Variants in ATP13A5 observed in about 807,000 individuals in gnomAD.
ATP13A5 encodes ATPase 13A5.
ATP13A5 carries 149 observed loss-of-function variants against 150.2 expected under a neutral mutation model. That is an observed-to-expected ratio of 0.99 (90% CI 0.87 to 1.14). ATP13A5 has a LOEUF of 1.14. Ranked by LOEUF, ATP13A5 falls within the 50% of genes most tolerant of loss-of-function variation. The pLI, the probability that ATP13A5 is intolerant of heterozygous loss-of-function variation, is 0.00. For synonymous variants in ATP13A5, 497 were observed against 522.2 expected, an observed-to-expected ratio of 0.95 and a Z score of 0.66; for missense variants, 1,383 against 1,449.3, an observed-to-expected ratio of 0.95 and a Z score of 0.74.
intron 7 of ATP13A5, among the ~76,000 whole-genome samples, chr3:193,350,050 A>C (rs1296953764): frequency 6.6e-6 from 1 of 152,052 alleles, no homozygotes; most frequent in Non-Finnish European, 1.5e-5. Context: ...ATATCATGGA[A>C]TATTATAGTA....
intron 22 of ATP13A5, among the ~76,000 whole-genome samples, chr3:193,306,092 T>G (rs1348407509): frequency 1.3e-5 from 2 of 151,936 alleles, no homozygotes; most frequent in Non-Finnish European, 2.9e-5. Context: ...AAAGAATTCC[T>G]AGGCCGATCC....
At chr3:193,291,923 A>G (rs577086734) in intron 25 of ATP13A5, among the ~76,000 whole-genome samples, 7 of 152,270 alleles carry the variant, frequency 4.6e-5, no homozygotes, top group African/African-American at 1.7e-4. Flanking sequence ...AATCATAAGT[A>G]TAACACTTTC....
At chr3:193,373,935 A>G (rs1438190998) in intron 1 of ATP13A5, among the ~76,000 whole-genome samples, 1 of 152,210 alleles carries the variant, frequency 6.6e-6, no homozygotes, top group African/African-American at 2.4e-5. Context: ...GTGATGTGTA[A>G]TTTTGACATT....
intron 7 of ATP13A5, among the ~76,000 whole-genome samples, chr3:193,349,314 A>G (rs928251411): frequency 1.2e-4 from 19 of 152,162 alleles, no homozygotes; most frequent in Non-Finnish European, 2.6e-4. Flanking sequence ...AAGTTCCCAT[A>G]TTAGCCACTG....
At chr3:193,372,445 C>G (rs1281608854) in intron 1 of ATP13A5, among the ~76,000 whole-genome samples, 1 of 152,070 alleles carries the variant, frequency 6.6e-6, no homozygotes, top group African/African-American at 2.4e-5. Flanking sequence ...TTTCTAATTT[C>G]TTTTAAACAG....
At chr3:193,320,899 G>C (rs1232496550) in intron 16 of ATP13A5, among the ~76,000 whole-genome samples, 1 of 152,212 alleles carries the variant, frequency 6.6e-6, no homozygotes, top group Non-Finnish European at 1.5e-5. Context: ...TGAAATTGCT[G>C]TGAAAATTAT....
chr3:193,278,689 G>A (rs917095119), intron 28 of ATP13A5, among the ~76,000 whole-genome samples: 3 of 152,158 alleles, frequency 2.0e-5, no homozygotes, highest in African/African-American at 7.2e-5. Context: ...GACAGCCACA[G>A]TCCACAGTGG....
chr3:193,354,891 G>A (rs1428518286), intron 5 of ATP13A5, among the ~76,000 whole-genome samples: 2 of 150,438 alleles, frequency 1.3e-5, no homozygotes, highest in African/African-American at 2.4e-5. Flanking sequence ...TATTCAGTGC[G>A]GCATGTAGCC....
At chr3:193,352,677 A>C (rs1317007979) in intron 6 of ATP13A5, among the ~76,000 whole-genome samples, 1 of 152,208 alleles carries the variant, frequency 6.6e-6, no homozygotes, top group East Asian at 1.9e-4. Context: ...CAGGACGTAT[A>C]TGGGAAATCT....
intron 1 of ATP13A5, among the ~76,000 whole-genome samples, chr3:193,369,529 G>A (rs1186644403): frequency 6.6e-6 from 1 of 152,130 alleles, no homozygotes; most frequent in African/African-American, 2.4e-5. Flanking sequence ...TTCTTCTGAT[G>A]TAGTCAGAGT....
In ATP13A5 at chr3:193,345,177, G is replaced by T. The variant is rs1712288983; in HGVS notation, c.742-102C>A. 1.1e-5 allele frequency: 12 copies of T among 1,122,176 alleles called. No individual in the cohort carries two copies. The South Asian group carries it at 1.3e-4, about 12-fold the overall frequency. 69.5% of individuals were successfully genotyped at this position (1,122,176 alleles called of 1,614,324 possible). On this transcript the variant is annotated intron_variant, in intron 7 of 29. Coordinates refer to ENST00000342358, the MANE Select transcript of ATP13A5 (RefSeq NM_198505.4). Reference sequence around the variant, plus strand: ...CCAGGCCAGCTGTCACAGCTAAAGTGACTCTGGGCAAAGGACTCAACTTCT... The same window carrying T: ...CCAGGCCAGCTGTCACAGCTAAAGTTACTCTGGGCAAAGGACTCAACTTCT...
Position 193,290,011 on chromosome 3 carries a change from C to T in ATP13A5, c.2897G>A (p.Gly966Glu), listed in dbSNP as rs538741347. The T allele has an allele frequency of 9.3e-6, 15 of 1,612,720 alleles. No individual in the cohort carries two copies. In the African/African-American group the frequency reaches 2.0e-4, roughly 22 times the overall value. Residue 966 changes from glycine to glutamate, a missense_variant, in exon 26 of 30, where the codon GGA becomes GAA. This residue lies in a region of ATP13A5 where 568 missense variants were observed against 621.5 expected (regional missense o/e 0.91). Coordinates refer to ENST00000342358, the MANE Select transcript of ATP13A5 (RefSeq NM_198505.4). ...CAGTAAAGGGGGAGAAAGGAGCTGT[C>T]CTGCTGGTCTATATGGAGCCAGCTT... ...YPKLAPYRPA[G>E]QLLSPPLLLS...
intron 5 of ATP13A5, among the ~76,000 whole-genome samples, chr3:193,358,093 A>G (rs541248023): frequency 1.3e-5 from 2 of 148,214 alleles, no homozygotes; most frequent in South Asian, 4.5e-4. Context: ...TGTTAGAATT[A>G]TGGTGGAGTT....
intron 1 of ATP13A5, among the ~76,000 whole-genome samples, chr3:193,374,297 C>CAT (rs1195704062): frequency 9.7e-6 from 1 of 103,120 alleles, no homozygotes; most frequent in Non-Finnish European, 2.0e-5. Context: ...CACACACACA[C>CAT]ACACAGAGAG....
rs538098858 is a variant in ATP13A5, at chr3:193,334,006, T to C, written c.1115-99A>G. 1,254 of 1,060,938 alleles carry C rather than the reference T, an allele frequency of 1.2e-3. 3 individuals are homozygous for C. Among genetic ancestry groups the C allele is most frequent in the Non-Finnish European group, 1.5e-3 (1,101 of 734,694 alleles). The allele number at this position is 1,060,938 out of a possible 1,614,324, so 65.7% of individuals were successfully genotyped here. The stretch of plus-strand genomic sequence containing the variant: ...CTTTGAGGAAAAGAGTAGAGTGTCC[T>C]CTAACCTTCTACCTAATCATTTTAT... On this transcript the variant is annotated intron_variant, in intron 10 of 29. Transcript: ENST00000342358.
At chr3:193,369,972 T>C (rs994398507) in intron 1 of ATP13A5, among the ~76,000 whole-genome samples, 5 of 152,220 alleles carry the variant, frequency 3.3e-5, no homozygotes, top group Non-Finnish European at 5.9e-5. Flanking sequence ...AGTTGCAATA[T>C]ACTGGATCAA....
At chr3:193,334,838 G>T in intron 10 of ATP13A5, 91 bp downstream of exon 10, 2 of 1,184,712 alleles carry the variant, frequency 1.7e-6, no homozygotes, top group Non-Finnish European at 1.2e-6. Context: ...CCAGAATGTG[G>T]CAGACTCCAT....
chr3:193,309,216 T>G (rs1270756121), intron 21 of ATP13A5, among the ~76,000 whole-genome samples: 2 of 152,210 alleles, frequency 1.3e-5, no homozygotes, highest in Non-Finnish European at 2.9e-5. Flanking sequence ...GACTTTCTCT[T>G]GACTTTCCCT....
chr3:193,355,633 GAA>G (rs1712753932), intron 5 of ATP13A5, among the ~76,000 whole-genome samples: 1 of 152,198 alleles, frequency 6.6e-6, no homozygotes, highest in Admixed American at 6.5e-5. Flanking sequence ...TCCATGCCAT[GAA>G]AACACTGAGG....
Sources: allele counts gnomAD v4.1 joint callset (sites outside exome capture counted in the v4.1 genomes callset), GRCh38; gene constraint gnomAD v4.1.1; regional missense constraint gnomAD v4.1.1; transcripts MANE v1.5; gene names NCBI Gene and HGNC (gene_info 2026-07-23, HGNC 2026-07-21).